The following KCNK2 variants were observed in gnomAD, a reference collection of about 807,000 sequenced individuals.
The protein encoded by KCNK2 is potassium two pore domain channel subfamily K member 2.
KCNK2 carries 21 observed loss-of-function variants against 40.5 expected under a neutral mutation model. The ratio of observed to expected loss-of-function variants is 0.52; its 90% CI spans 0.37 to 0.75. The LOEUF (loss-of-function observed/expected upper bound fraction) is 0.75, where lower values mean the gene tolerates loss of function less well. KCNK2 is among the 30% of genes least tolerant of loss of function. KCNK2 has a pLI of 0.00. For synonymous variants in KCNK2, 191 were observed against 202.2 expected (o/e 0.94, Z 0.47); for missense variants, 399 against 531.6 (o/e 0.75, Z 2.45).
chr1:215,153,557 A>G (rs1034085830), intron 3 of KCNK2, among the ~76,000 whole-genome samples: 1 of 114,006 alleles, frequency 8.8e-6, no homozygotes, highest in African/African-American at 3.4e-5. Flanking sequence ...TTCGATATAT[A>G]GCGTTGTTAT....
At chr1:215,098,932 A>T in intron 2 of KCNK2, among the ~76,000 whole-genome samples, 1 of 151,452 alleles carries the variant, frequency 6.6e-6, no homozygotes, top group East Asian at 2.0e-4. Context: ...ATGTGATTTC[A>T]CTCTGTTTTG....
chr1:215,014,014 G>A (rs903727410), intron 1 of KCNK2, among the ~76,000 whole-genome samples: 3 of 152,008 alleles, frequency 2.0e-5, no homozygotes, highest in Non-Finnish European at 4.4e-5. Flanking sequence ...AAAAGATGTT[G>A]TCTTCATTAT....
Position 215,083,310 on chromosome 1 carries a change from G to A in KCNK2, c.-76G>A, listed in dbSNP as rs376060078. Reference sequence around the variant, plus strand: ...CGCAGCCCGTCTCTGAATAAGAAGTGAGTACAATGGCGTGTTTGTAAAAAA... The same window carrying A: ...CGCAGCCCGTCTCTGAATAAGAAGTAAGTACAATGGCGTGTTTGTAAAAAA... On this transcript the variant is annotated 5_prime_UTR_variant, in exon 1 of 7. Coordinates refer to ENST00000444842, the MANE Select transcript of KCNK2 (RefSeq NM_001017425.3). The A allele has an allele frequency of 6.2e-7, 1 of 1,610,230 alleles. No individual in the cohort carries two copies. The highest frequency in any genetic ancestry group is 1.3e-5 in the African/African-American group (1 of 74,660).
At chr1:215,151,480 T>C (rs1662682233) in intron 3 of KCNK2, among the ~76,000 whole-genome samples, 1 of 152,148 alleles carries the variant, frequency 6.6e-6, no homozygotes, top group Non-Finnish European at 1.5e-5. Context: ...AATCTTGATA[T>C]CATGTAAGGC....
At chr1:215,113,106 C>T (rs1355524745) in intron 2 of KCNK2, among the ~76,000 whole-genome samples, 1 of 152,066 alleles carries the variant, frequency 6.6e-6, no homozygotes, top group Non-Finnish European at 1.5e-5. Flanking sequence ...AGGCCATATG[C>T]GACATAAACA....
chr1:215,068,258 A>G (rs1219909240), intron 1 of KCNK2, among the ~76,000 whole-genome samples: 1 of 152,058 alleles, frequency 6.6e-6, no homozygotes, highest in Non-Finnish European at 1.5e-5. Context: ...CCCCAAACTG[A>G]ATTTTTGGGG....
intron 1 of KCNK2, among the ~76,000 whole-genome samples, chr1:215,014,950 A>T (rs1378102740): frequency 1.3e-5 from 2 of 152,164 alleles, no homozygotes; most frequent in African/African-American, 4.8e-5. Context: ...AAAGGGAGAG[A>T]GCTCTAAACT....
intron 3 of KCNK2, among the ~76,000 whole-genome samples, chr1:215,138,353 A>G (rs183349349): frequency 1.3e-5 from 2 of 152,342 alleles, no homozygotes; most frequent in Non-Finnish European, 2.9e-5. Flanking sequence ...TCAAGCCATG[A>G]CATTCTGGTT....
intron 6 of KCNK2, among the ~76,000 whole-genome samples, chr1:215,231,512 G>A (rs1288676197): frequency 1.3e-5 from 2 of 151,868 alleles, no homozygotes; most frequent in African/African-American, 4.8e-5. Flanking sequence ...AACTCTATAG[G>A]GACGATTCCG....
intron 2 of KCNK2, among the ~76,000 whole-genome samples, chr1:215,105,711 C>T (rs1210847102): frequency 1.3e-5 from 2 of 151,824 alleles, no homozygotes; most frequent in Non-Finnish European, 2.9e-5. Flanking sequence ...AGCATAGTAC[C>T]CAATAGTTTT....
chr1:215,011,614 T>TAGAGGAATGCACTTACATTCATCC (rs1382264468), intron 1 of KCNK2, among the ~76,000 whole-genome samples: 5 of 140,750 alleles, frequency 3.6e-5, no homozygotes, highest in Admixed American at 7.4e-5. Context: ...TTTTTTTATT[T>TAGAGGAATGCACTTACATTCATCC]TTATTTTTTG....
rs529367570 is a variant in KCNK2, at chr1:215,018,254, T to G, written c.34+12299T>G. 3.3e-5 allele frequency among the ~76,000 whole-genome samples: 5 copies of G among 152,288 alleles called. No individual in the cohort carries two copies. In the South Asian group the frequency reaches 1.0e-3, roughly 32 times the overall value. ...ATCTTTAGCATCAAAGTTGTGGTTT[T>G]GTCATTTTCCCACTAAAAGAATCCA... On this transcript the variant is annotated intron_variant, in intron 1 of 6. Transcript: ENST00000391895.
At chr1:215,148,430 T>G (rs1317857608) in intron 3 of KCNK2, among the ~76,000 whole-genome samples, 1 of 152,082 alleles carries the variant, frequency 6.6e-6, no homozygotes, top group Non-Finnish European at 1.5e-5. Context: ...TAATTTTGCT[T>G]TTCCTTGCTG....
intron 6 of KCNK2, among the ~76,000 whole-genome samples, chr1:215,205,866 G>A (rs1172286472): frequency 6.6e-6 from 1 of 152,134 alleles, no homozygotes; most frequent in Admixed American, 6.5e-5. Flanking sequence ...TATTGTTCAA[G>A]GAAAGAGTTA....
At chr1:215,077,039 A>T (rs140548471) in intron 1 of KCNK2, among the ~76,000 whole-genome samples, 29 of 152,300 alleles carry the variant, frequency 1.9e-4, no homozygotes, top group African/African-American at 7.0e-4. Flanking sequence ...TCCTCTTAGC[A>T]TAGTAGCCTC....
intron 3 of KCNK2, among the ~76,000 whole-genome samples, chr1:215,130,972 T>C (rs1199534927): frequency 1.3e-5 from 2 of 151,560 alleles, no homozygotes; most frequent in Non-Finnish European, 3.0e-5. Context: ...GCCATTCTCC[T>C]GCCTCAGCCT....
chr1:215,022,130 A>G lies in KCNK2; in HGVS notation c.34+16175A>G, dbSNP rs79001434. On this transcript the variant is annotated intron_variant, in intron 1 of 6. Coordinates refer to the KCNK2 transcript ENST00000391895. ...TCCTATCTATCTATCTATCTATCTAATCATCTATCTATCTAATCCATCTAT... is the reference window on the plus strand; with the variant it reads ...TCCTATCTATCTATCTATCTATCTAGTCATCTATCTATCTAATCCATCTAT... 3.5e-4 allele frequency among the ~76,000 whole-genome samples: 6 copies of G among 17,264 alleles called. 1 individual carries two copies. The highest frequency in any genetic ancestry group is 1.5e-3 in the East Asian group (2 of 1,302). 11.3% of individuals were successfully genotyped at this position (17,264 alleles called of 152,430 possible).
intron 1 of KCNK2, among the ~76,000 whole-genome samples, chr1:215,048,754 G>T (rs997641066): frequency 1.1e-4 from 16 of 152,134 alleles, no homozygotes; most frequent in African/African-American, 3.9e-4. Context: ...AATGCATAAA[G>T]CTCTGTTCCC....
chr1:215,061,211 C>T (rs1658350848), intron 1 of KCNK2, among the ~76,000 whole-genome samples: 1 of 151,876 alleles, frequency 6.6e-6, no homozygotes, highest in African/African-American at 2.4e-5. Context: ...AATGAAAGTT[C>T]AGTATTAATG....
Sources: allele counts gnomAD v4.1 joint callset (sites outside exome capture counted in the v4.1 genomes callset), GRCh38; gene constraint gnomAD v4.1.1; transcripts MANE v1.5; gene names NCBI Gene and HGNC (gene_info 2026-07-23, HGNC 2026-07-21).